The following MFAP5 variants were observed in gnomAD, a reference collection of about 807,000 sequenced individuals.
MFAP5 encodes microfibril associated protein 5.
In MFAP5, 19 loss-of-function variants were observed where a neutral mutation model predicts 30.1. The ratio of observed to expected loss-of-function variants is 0.63; its 90% confidence interval spans 0.44 to 0.93. The LOEUF is 0.93. MFAP5 is among the 40% of genes least tolerant of loss of function. The pLI is 0.00. For synonymous variants in MFAP5, 92 were observed against 72.9 expected (o/e 1.26, Z -1.33); for missense variants, 210 against 221.3 (o/e 0.95, Z 0.32).
chr12:8,656,297 CT>C (rs1176128628), intron 3 of MFAP5, among the ~76,000 whole-genome samples: 2 of 151,970 alleles, frequency 1.3e-5, no homozygotes, highest in Non-Finnish European at 2.9e-5. Context: ...AACCGCCCCC[CT>C]CGGCCTCCCA....
chr12:8,656,637 C>CATATATATACACACAT lies in MFAP5; in HGVS notation c.95-808_95-807insATGTGTGTATATATAT, dbSNP rs1565526797. Among the ~76,000 whole-genome samples, 289 of 132,996 alleles carry CATATATATACACACAT rather than the reference C, an allele frequency of 2.2e-3. 2 individuals are homozygous for CATATATATACACACAT. Among genetic ancestry groups the CATATATATACACACAT allele is most frequent in the African/African-American group, 5.9e-3 (188 of 31,900 alleles). 87.3% of individuals were successfully genotyped at this position (132,996 alleles called of 152,430 possible). A position where few individuals can be genotyped will look rare whatever the true frequency, so the allele number is the denominator to read the frequency against. On this transcript the variant is annotated intron_variant, in intron 3 of 9. Coordinates refer to ENST00000359478, the MANE Select transcript of MFAP5 (RefSeq NM_003480.4). ...ATATATACACACATACACACACACA[C>CATATATATACACACAT]ACACACACACACATATATATATATA...
chr12:8,650,398 GCC>G, intron 8 of MFAP5, 102 bp downstream of exon 8: 1 of 1,085,384 alleles, frequency 9.2e-7, no homozygotes, highest in South Asian at 1.3e-5. Context: ...AAAAACTTTG[GCC>G]CCATCAAAGT....
chr12:8,656,625 T>TACACACACACACACAC (rs1223209541), intron 3 of MFAP5, among the ~76,000 whole-genome samples: 21 of 121,252 alleles, frequency 1.7e-4, no homozygotes, highest in African/African-American at 7.3e-4. Context: ...TATACACACA[T>TACACACACACACACAC]ACACACACAC....
At chr12:8,648,851 G>A (rs771619140) in intron 9 of MFAP5, among the ~76,000 whole-genome samples, 18 of 152,322 alleles carry the variant, frequency 1.2e-4, no homozygotes, top group African/African-American at 3.8e-4. Flanking sequence ...CACAGCCATC[G>A]TTCGGGGCTG....
intron 6 of MFAP5, 92 bp downstream of exon 6, chr12:8,654,345 G>C: frequency 7.9e-7 from 1 of 1,270,796 alleles, no homozygotes; most frequent in Non-Finnish European, 1.1e-6. Flanking sequence ...TGTCTTTTTA[G>C]GATCCTTCAG....
intron 3 of MFAP5, 96 bp from the exon 4 acceptor site, chr12:8,655,926 G>A (rs977915136): frequency 4.8e-6 from 5 of 1,036,884 alleles, no homozygotes; most frequent in Admixed American, 1.9e-5. Context: ...AGTGCCCAGC[G>A]GAGTTGAGTA....
chr12:8,660,970 A>G, intron 2 of MFAP5, 72 bp from the exon 3 acceptor site: 1 of 1,269,126 alleles, frequency 7.9e-7, no homozygotes, highest in Admixed American at 1.9e-5. Flanking sequence ...TATGAGACAA[A>G]TCAGAAAATC....
At chr12:8,660,790 A>AT (rs1175717316) in intron 3 of MFAP5, 73 bp downstream of exon 3, 52 of 1,294,108 alleles carry the variant, frequency 4.0e-5, no homozygotes, top group Admixed American at 2.2e-5. Context: ...AGCAGGAAGG[A>AT]TTTTTTAACT....
chr12:8,658,402 T>C (rs1215772573), intron 3 of MFAP5: 2 of 152,204 alleles, frequency 1.3e-5, no homozygotes, highest in Admixed American at 6.5e-5. Flanking sequence ...ACACTCATTA[T>C]GGGCTTTCTT....
At chr12:8,659,037 A>G (rs1347736620) in intron 3 of MFAP5, among the ~76,000 whole-genome samples, 1 of 146,014 alleles carries the variant, frequency 6.8e-6, no homozygotes, top group African/African-American at 2.5e-5. Flanking sequence ...GGCTGGCAGC[A>G]GTGGCTCACA....
At chr12:8,650,858 G>C (rs991777946) in intron 7 of MFAP5, among the ~76,000 whole-genome samples, 7 of 152,162 alleles carry the variant, frequency 4.6e-5, no homozygotes, top group Admixed American at 2.6e-4. Flanking sequence ...AGTCTTTCTA[G>C]AATTGTCCGT....
chr12:8,652,865 C>A (rs1394259254), intron 6 of MFAP5, among the ~76,000 whole-genome samples: 1 of 152,134 alleles, frequency 6.6e-6, no homozygotes, highest in East Asian at 1.9e-4. Flanking sequence ...GTGAATGAGA[C>A]CACCATCCAC....
At chr12:8,653,635 C>T (rs992095829) in intron 6 of MFAP5, among the ~76,000 whole-genome samples, 5 of 152,188 alleles carry the variant, frequency 3.3e-5, no homozygotes, top group African/African-American at 9.7e-5. Context: ...CCTTTTCTCA[C>T]CCCCAGCACC....
chr12:8,662,001 T>C (rs779443535), intron 2 of MFAP5, 46 bp downstream of exon 2: 2 of 1,564,346 alleles, frequency 1.3e-6, no homozygotes, highest in South Asian at 1.1e-5. Flanking sequence ...CACACGTGTA[T>C]AGCTGAGGAG....
At chr12:8,655,966 C>T in intron 3 of MFAP5, 136 bp from the exon 4 acceptor site, 1 of 682,834 alleles carries the variant, frequency 1.5e-6, no homozygotes, top group Admixed American at 2.3e-5. Context: ...TGACTGCTTA[C>T]AATAATGACA....
In MFAP5 at chr12:8,647,058, G is replaced by A. The variant is rs781441475; in HGVS notation, c.*1033C>T. The A allele has an allele frequency of 1.3e-5, 2 of 152,228 alleles. No homozygotes were observed. Among genetic ancestry groups the A allele is most frequent in the Non-Finnish European group, 2.9e-5 (2 of 68,042 alleles). 9.4% of individuals were successfully genotyped at this position (152,228 alleles called of 1,614,324 possible). On this transcript the variant is annotated 3_prime_UTR_variant, in exon 10 of 10. Transcript: ENST00000359478. ...TAGAGCCAGGATAAGAATGTGGGTT[G>A]TCTGAATATTGTGTTTCTTTCACTC...
intron 5 of MFAP5, among the ~76,000 whole-genome samples, chr12:8,655,123 C>T (rs1188129562): frequency 1.3e-5 from 2 of 151,750 alleles, no homozygotes; most frequent in African/African-American, 4.8e-5. Flanking sequence ...ACTAAAAATA[C>T]AAAAATTAGT....
intron 8 of MFAP5, 109 bp downstream of exon 8, chr12:8,650,393 C>T (rs1941801450): frequency 9.9e-7 from 1 of 1,011,692 alleles, no homozygotes; most frequent in Admixed American, 1.9e-5. Context: ...GTGCTAAAAA[C>T]TTTGGCCCCA....
rs201631388 is a variant in MFAP5 at position 8,662,074 on chromosome 12, A to G, written c.31T>C (p.Phe11Leu). The G allele has an allele frequency of 1.2e-6, 2 of 1,613,954 alleles. No homozygotes were observed. The highest frequency in any genetic ancestry group is 2.2e-5 in the East Asian group (1 of 44,878). ...GAGGTGATGATGAATGCAGCAAGAA[A>G]CAGCAGCACCTTGGGTCCCAAGAGC... is the stretch of plus-strand genomic sequence containing the variant. MSLLGPKVLL[F>L]LAAFIITSDW... Residue 11 changes from phenylalanine (F) to leucine (L), a missense_variant, in exon 2 of 10, where the codon TTT becomes CTT. Physicochemically the swap from Phe to Leu is conservative, Grantham distance 22. Transcript: ENST00000359478.
Sources: allele counts gnomAD v4.1 joint callset (sites outside exome capture counted in the v4.1 genomes callset), GRCh38; gene constraint gnomAD v4.1.1; transcripts MANE v1.5; gene names NCBI Gene and HGNC (gene_info 2026-07-23, HGNC 2026-07-21).